Variants in CA5A observed in about 807,000 individuals in gnomAD.
The protein encoded by CA5A is carbonic anhydrase 5A.
Under a neutral mutation model 37.1 loss-of-function variants are expected in CA5A, and 28 were observed. The ratio of observed to expected loss-of-function variants is 0.75; its 90% CI spans 0.56 to 1.03. CA5A has a LOEUF of 1.03. CA5A is among the 50% of genes least tolerant of loss of function. The pLI is 0.00. For missense variants in CA5A, 444 were observed against 399.9 expected, an observed-to-expected ratio of 1.11 and a Z score of -0.94; for synonymous variants, 171 against 158.4, an observed-to-expected ratio of 1.08 and a Z score of -0.60.
Position 87,936,311 on chromosome 16 carries a change from G to A in CA5A, c.140C>T (p.Thr47Ile). ...RSCAWQTSNNTLHPLWTVPVS... is the reference protein window; with the variant it reads ...RSCAWQTSNNILHPLWTVPVS... Reference sequence around the variant, plus strand: ...AGGAAATTTGAGGCTCTACTTACAAGTGTTATTGCTGGTTTGCCATGCACA... The same window carrying A: ...AGGAAATTTGAGGCTCTACTTACAAATGTTATTGCTGGTTTGCCATGCACA... The change falls in exon 1 of 7, where the codon ACT (threonine) becomes ATT (isoleucine). Residue 47 changes from threonine (T) to isoleucine (I), a missense_variant and splice_region_variant. Thr to Ile is a moderately conservative substitution (Grantham distance 89). Coordinates refer to ENST00000649794, the MANE Select transcript of CA5A (RefSeq NM_001739.2). 1 of 1,610,902 alleles carries A rather than the reference G, an allele frequency of 6.2e-7. No individual in the cohort carries two copies. Among genetic ancestry groups the A allele is most frequent in the African/African-American group, 1.3e-5 (1 of 74,922 alleles).
intron 2 of CA5A, among the ~76,000 whole-genome samples, chr16:87,918,185 CT>C (rs1307905792): frequency 1.3e-5 from 2 of 152,206 alleles, no homozygotes; most frequent in Non-Finnish European, 2.9e-5. Context: ...AAGCTATTGT[CT>C]ACTAAATGCT....
At chr16:87,934,950 A>C (rs551314197) in intron 1 of CA5A, among the ~76,000 whole-genome samples, 36 of 152,340 alleles carry the variant, frequency 2.4e-4, no homozygotes, top group Admixed American at 1.5e-3. Context: ...TGTGGACCCC[A>C]ACAGGAGGAA....
At chr16:87,909,619 G>T (rs543536635) in intron 2 of CA5A, among the ~76,000 whole-genome samples, 1 of 152,208 alleles carries the variant, frequency 6.6e-6, no homozygotes, top group African/African-American at 2.4e-5. Context: ...CTTTTTACTG[G>T]AAATGCCAGC....
Position 87,891,883 on chromosome 16 carries a change from G to C in CA5A, c.690C>G (p.Tyr230Ter), listed in dbSNP as rs142006568. 6 of 1,574,164 alleles carry C rather than the reference G, an allele frequency of 3.8e-6. No homozygotes were observed. The highest frequency in any genetic ancestry group is 5.2e-6 in the Non-Finnish European group (6 of 1,161,566). The part of the protein sequence containing the change: ...LLPTCWDYWT[Y>*]AGSLTTPPLT... ...GCGGCGGGGTGGTGAGCGAGCCCGC[G>C]TAGGTCCAGTAATCCCAGCAGGTGG... The change falls in exon 6 of 7, where the codon TAC (tyrosine) becomes TAG (stop). Residue 230 changes from tyrosine (Y) to a stop codon, truncating the protein, a stop_gained. Transcript: ENST00000649794. LOFTEE classifies it high-confidence loss of function.
At chr16:87,925,197 C>T (rs1057094980) in intron 2 of CA5A, among the ~76,000 whole-genome samples, 1 of 152,096 alleles carries the variant, frequency 6.6e-6, no homozygotes, top group African/African-American at 2.4e-5. Flanking sequence ...TGCTTTGGGG[C>T]CCCCAGGTTT....
chr16:87,899,352 G>T (rs1330958362), intron 5 of CA5A, among the ~76,000 whole-genome samples: 3 of 142,812 alleles, frequency 2.1e-5, no homozygotes, highest in Non-Finnish European at 4.5e-5. Flanking sequence ...ACTCGGCCTG[G>T]AGTGTAGTGG....
At chr16:87,932,813 A>T (rs534000474) in intron 1 of CA5A, among the ~76,000 whole-genome samples, 2 of 152,270 alleles carry the variant, frequency 1.3e-5, no homozygotes, top group African/African-American at 4.8e-5. Flanking sequence ...TGGTTCAGCA[A>T]ATCTCAAATT....
At chr16:87,886,243 G>A (rs571619609), downstream of CA5A, 48 of 149,028 alleles carry the variant, frequency 3.2e-4, no homozygotes, top group African/African-American at 1.0e-3. Context: ...TCCGCCTCAC[G>A]GGTTCAAGCA....
intron 6 of CA5A, among the ~76,000 whole-genome samples, chr16:87,888,890 T>G (rs2055674814): frequency 6.6e-6 from 1 of 151,736 alleles, no homozygotes. Flanking sequence ...GTAGTTGGAA[T>G]TACAGGCACA....
downstream of CA5A, chr16:87,885,892 C>T (rs1177838441): frequency 1.3e-5 from 2 of 152,282 alleles, no homozygotes; most frequent in Non-Finnish European, 2.9e-5. Context: ...GGTCTACCTC[C>T]TTCCATCAGA....
At chr16:87,916,458 G>C (rs1281755849) in intron 2 of CA5A, among the ~76,000 whole-genome samples, 1 of 152,178 alleles carries the variant, frequency 6.6e-6, no homozygotes, top group Non-Finnish European at 1.5e-5. Context: ...CTTACCAGCT[G>C]GGACTTGGGT....
intron 2 of CA5A, among the ~76,000 whole-genome samples, chr16:87,910,084 AAAAC>A (rs138700597): frequency 0.31 from 47,243 of 151,830 alleles, 8,741 homozygotes; most frequent in Non-Finnish European, 0.42. Context: ...GAAGCACTCT[AAAAC>A]AAACAAACAA....
chr16:87,918,027 C>A (rs1357973692), intron 2 of CA5A, among the ~76,000 whole-genome samples: 1 of 152,252 alleles, frequency 6.6e-6, no homozygotes, highest in Non-Finnish European at 1.5e-5. Flanking sequence ...GGAATTCACT[C>A]TTCCCCTGTC....
Position 87,910,188 on chromosome 16 carries a change from C to T in CA5A, c.341-5284G>A, listed in dbSNP as rs376435680. On this transcript the variant is annotated intron_variant, in intron 2 of 6. Transcript: ENST00000649794. ...AAGGCTCTCACTGGCCAGGTTCTGCCGTGTCCCGGGCACCACGCATCCTGT... is the reference window on the plus strand; with the variant it reads ...AAGGCTCTCACTGGCCAGGTTCTGCTGTGTCCCGGGCACCACGCATCCTGT... Among the ~76,000 whole-genome samples the T allele has an allele frequency of 6.6e-5, 10 of 152,330 alleles. No homozygotes were observed. In the South Asian group the frequency reaches 1.7e-3, roughly 25 times the overall value.
At chr16:87,890,115 A>G (rs866429990) in intron 6 of CA5A, among the ~76,000 whole-genome samples, 12 of 152,330 alleles carry the variant, frequency 7.9e-5, no homozygotes, top group Middle Eastern at 3.4e-3. Context: ...CCTGCTCAGG[A>G]TAAGGGGCTC....
At chr16:87,909,507 C>G (rs372464814) in intron 2 of CA5A, among the ~76,000 whole-genome samples, 10 of 152,268 alleles carry the variant, frequency 6.6e-5, no homozygotes, top group Non-Finnish European at 1.0e-4. Context: ...GTGCAGGGGC[C>G]GATGGATCAC....
chr16:87,900,293 G>C (rs1261452615), intron 5 of CA5A, among the ~76,000 whole-genome samples: 7 of 152,230 alleles, frequency 4.6e-5, no homozygotes, highest in Non-Finnish European at 8.8e-5. Context: ...TGGGGCGTCA[G>C]AGCTCTCAGA....
chr16:87,909,983 C>A (rs1239853386), intron 2 of CA5A, among the ~76,000 whole-genome samples: 1 of 152,066 alleles, frequency 6.6e-6, no homozygotes, highest in African/African-American at 2.4e-5. Flanking sequence ...TTGTAAAGTG[C>A]GGATGATCCT....
chr16:87,907,132 C>T (rs770084571), intron 2 of CA5A, among the ~76,000 whole-genome samples: 1 of 151,816 alleles, frequency 6.6e-6, no homozygotes, highest in African/African-American at 2.4e-5. Context: ...GCAGGAGAAT[C>T]GCTTGAACCT....
Sources: gnomAD v4.1 joint callset for allele counts (sites outside exome capture counted in the v4.1 genomes callset) on GRCh38, gnomAD v4.1.1 for gene constraint, MANE v1.5 for transcripts, NCBI Gene and HGNC (gene_info 2026-07-23, HGNC 2026-07-21) for gene names.